Variants in HSF2BP observed in about 807,000 individuals in gnomAD.
HSF2BP encodes heat shock factor 2-binding protein.
Under a neutral mutation model 35.0 loss-of-function variants are expected in HSF2BP, and 35 were observed. The observed-to-expected ratio is 1.00, with a 90% CI of 0.76 to 1.32. The LOEUF is 1.32. HSF2BP is among the 40% of genes most tolerant of loss of function. The probability of loss-of-function intolerance (pLI) is 0.00; values close to 1 mark genes in which losing one functional copy is unlikely to be tolerated. For synonymous variants in HSF2BP, 114 were observed against 117.4 expected (o/e 0.97, Z 0.18); for missense variants, 326 against 321.7 (o/e 1.01, Z -0.10).
the HSF2BP span, among the ~76,000 whole-genome samples, chr21:43,507,497 A>G: frequency 2.3e-4 from 6 of 25,718 alleles, no homozygotes; most frequent in African/African-American, 8.1e-4. Context: ...AGATGCTTAA[A>G]AGGTAACTTA....
chr21:43,645,801 G>C (rs569928882), intron 3 of HSF2BP, among the ~76,000 whole-genome samples: 1 of 152,290 alleles, frequency 6.6e-6, no homozygotes, highest in African/African-American at 2.4e-5. Context: ...CTAGGGGTCT[G>C]AGAGGACAAG....
rs573598755 is a variant in HSF2BP, at chr21:43,588,837, A to G, written c.796+3388T>C. On this transcript the variant is annotated intron_variant, in intron 8 of 8. Coordinates refer to ENST00000291560, the MANE Select transcript of HSF2BP (RefSeq NM_007031.2). ...TCTGATTCTATGATTCTTGAGAGGA[A>G]AAAAGCTGTCTGGTCAAGTATCCAA... Among the ~76,000 whole-genome samples the G allele has an allele frequency of 2.0e-5, 3 of 152,308 alleles. No homozygotes were observed. In the South Asian group the frequency reaches 6.2e-4, roughly 32 times the overall value.
At position 43,659,066 on chromosome 21, in the gene HSF2BP, C is replaced by T. The variant is rs971057508; in HGVS notation, c.-225+320G>A. Among the ~76,000 whole-genome samples, 4 of 152,124 alleles carry T rather than the reference C, an allele frequency of 2.6e-5. No individual in the cohort carries two copies. The highest frequency in any genetic ancestry group is 6.5e-5 in the Admixed American group (1 of 15,278). Reference sequence around the variant, plus strand: ...TAATCCCAGCGATCAGGGAGGCCGCCGCGGGAGGATTGCTTGAGCCCAGGA... The same window carrying T: ...TAATCCCAGCGATCAGGGAGGCCGCTGCGGGAGGATTGCTTGAGCCCAGGA... On this transcript the variant is annotated intron_variant, in intron 1 of 8. Transcript: ENST00000291560. The surrounding 1 kb of genome is among the most constrained non-coding windows in gnomAD (Gnocchi z 4.2).
At chr21:43,614,082 T>A in intron 6 of HSF2BP, 135 bp from the exon 7 acceptor site, 1 of 684,656 alleles carries the variant, frequency 1.5e-6, no homozygotes, top group Non-Finnish European at 2.5e-6. Flanking sequence ...TAAATGAAAT[T>A]GCTAGGCATG....
At position 43,630,403 on chromosome 21, in the gene HSF2BP, C is replaced by T. The variant is rs2082440541; in HGVS notation, c.493G>A (p.Val165Met). ...SITGQTMESF[V>M]KSLDGDVQEL... ...TGGACATCACCGTCTAACGACTTCA[C>T]AAAACTCTCCATTGTTTGACCAGTG... The change falls in exon 6 of 9, where the codon GTG (valine) becomes ATG (methionine). Residue 165 changes from valine to methionine, a missense_variant. Transcript: ENST00000291560. 15 of 1,613,418 alleles carry T rather than the reference C, an allele frequency of 9.3e-6. No homozygotes were observed. Among genetic ancestry groups the T allele is most frequent in the Admixed American group, 1.7e-5 (1 of 59,860 alleles).
chr21:43,598,159 C>A, intron 7 of HSF2BP, among the ~76,000 whole-genome samples: 1 of 152,166 alleles, frequency 6.6e-6, no homozygotes, highest in Non-Finnish European at 1.5e-5. Flanking sequence ...TCCTTCTCAC[C>A]CATGTGACCA....
At chr21:43,468,036 C>T in the HSF2BP span, among the ~76,000 whole-genome samples, 3 of 137,314 alleles carry the variant, frequency 2.2e-5, no homozygotes, top group Non-Finnish European at 3.2e-5. Flanking sequence ...GCACACACCA[C>T]ACCACACACA....
intron 6 of HSF2BP, among the ~76,000 whole-genome samples, chr21:43,623,396 A>G (rs912971123): frequency 3.3e-5 from 5 of 152,206 alleles, no homozygotes; most frequent in African/African-American, 4.8e-5. Flanking sequence ...TGATGCACCA[A>G]GGAAATAGAA....
chr21:43,600,394 A>G (rs2082037664), intron 7 of HSF2BP, among the ~76,000 whole-genome samples: 1 of 152,216 alleles, frequency 6.6e-6, no homozygotes. Flanking sequence ...ACTGACCAAA[A>G]TCTAAGGTAG....
At chr21:43,611,904 G>A (rs2082209381) in intron 7 of HSF2BP, among the ~76,000 whole-genome samples, 1 of 152,196 alleles carries the variant, frequency 6.6e-6, no homozygotes. Context: ...TCAGAAAAGT[G>A]ACCCCAAAAA....
intron 6 of HSF2BP, among the ~76,000 whole-genome samples, chr21:43,629,753 C>T (rs1465511910): frequency 6.6e-6 from 1 of 152,142 alleles, no homozygotes; most frequent in East Asian, 1.9e-4. Context: ...GGAATCTACT[C>T]TTGGTGAAGA....
chr21:43,584,787 G>C lies in HSF2BP; in HGVS notation c.796+7438C>G, dbSNP rs191285488. 2.6e-3 allele frequency among the ~76,000 whole-genome samples: 395 copies of C among 152,256 alleles called. 1 individual carries two copies. The highest frequency in any genetic ancestry group is 9.1e-3 in the African/African-American group (378 of 41,536). On this transcript the variant is annotated intron_variant, in intron 8 of 8. Transcript: ENST00000291560. Reference sequence around the variant, plus strand: ...AGTATCTTCAGTTTACCCCGACACTGCTGGGAAAGACCCTTGGGAGTTTCC... The same window carrying C: ...AGTATCTTCAGTTTACCCCGACACTCCTGGGAAAGACCCTTGGGAGTTTCC...
chr21:43,589,812 A>G (rs2081903584), intron 8 of HSF2BP, among the ~76,000 whole-genome samples: 1 of 152,174 alleles, frequency 6.6e-6, no homozygotes, highest in African/African-American at 2.4e-5. Context: ...GTCTTATGCA[A>G]AAAAACAAAG....
chr21:43,654,039 G>T (rs1040941997), intron 3 of HSF2BP, among the ~76,000 whole-genome samples: 1 of 152,160 alleles, frequency 6.6e-6, no homozygotes, highest in African/African-American at 2.4e-5. Flanking sequence ...AGCTTGCACC[G>T]AGAAAGCAAA....
the HSF2BP span, among the ~76,000 whole-genome samples, chr21:43,467,888 C>A: frequency 1.1e-3 from 52 of 46,498 alleles, no homozygotes; most frequent in Non-Finnish European, 2.2e-3. Context: ...ACCACACACA[C>A]CACACACCAC....
At chr21:43,653,807 C>T (rs996316846) in intron 3 of HSF2BP, among the ~76,000 whole-genome samples, 11 of 152,092 alleles carry the variant, frequency 7.2e-5, no homozygotes, top group South Asian at 2.1e-4. Flanking sequence ...TGGAGACAGA[C>T]GCAGGCTGAT....
chr21:43,656,033 C>T (rs906773085), intron 3 of HSF2BP, among the ~76,000 whole-genome samples: 1 of 152,206 alleles, frequency 6.6e-6, no homozygotes. Flanking sequence ...CTCAATCAAG[C>T]AAGTGCTGAG....
chr21:43,601,974 C>T (rs558333894), intron 7 of HSF2BP, among the ~76,000 whole-genome samples: 1 of 152,266 alleles, frequency 6.6e-6, no homozygotes, highest in East Asian at 1.9e-4. Context: ...TTCTTTTCAG[C>T]CAATACTTAT....
At chr21:43,630,060 C>T (rs2082435256) in intron 6 of HSF2BP, among the ~76,000 whole-genome samples, 1 of 152,176 alleles carries the variant, frequency 6.6e-6, no homozygotes, top group Non-Finnish European at 1.5e-5. Flanking sequence ...AGACCCTCTA[C>T]CAGCAAAAAA....
Sources: allele counts gnomAD v4.1 joint callset (sites outside exome capture counted in the v4.1 genomes callset), GRCh38; gene constraint gnomAD v4.1.1; non-coding constraint Gnocchi (gnomAD v3.1); transcripts MANE v1.5; gene names NCBI Gene and HGNC (gene_info 2026-07-23, HGNC 2026-07-21).